ARHGAP24: variants seen among roughly 807,000 people sequenced by gnomAD.
ARHGAP24 encodes the protein rho GTPase-activating protein 24.
Under a neutral mutation model 76.4 loss-of-function variants are expected in ARHGAP24, and 50 were observed. The observed-to-expected ratio is 0.65, with a 90% confidence interval of 0.52 to 0.83. The LOEUF (loss-of-function observed/expected upper bound fraction) is 0.83. Among genes scored for constraint, ARHGAP24 ranks in the 40% least tolerant of loss-of-function variants. The pLI, the probability that ARHGAP24 is intolerant of heterozygous loss-of-function variation, is 0.00. For synonymous variants in ARHGAP24, 345 were observed against 323.3 expected, an observed-to-expected ratio of 1.07 and a Z score of -0.72; for missense variants, 930 against 914.2, an observed-to-expected ratio of 1.02 and a Z score of -0.22.
intron 2 of ARHGAP24, chr4:85,686,589 T>G (rs1723430013): frequency 6.6e-6 from 1 of 152,178 alleles, no homozygotes; most frequent in Non-Finnish European, 1.5e-5. Context: ...TGCAATAATA[T>G]TTATGTCCTA....
chr4:85,505,505 C>T (rs879435920), intron 1 of ARHGAP24, among the ~76,000 whole-genome samples: 4 of 152,178 alleles, frequency 2.6e-5, no homozygotes, highest in African/African-American at 4.8e-5. Flanking sequence ...TCTTCCACTT[C>T]ATCAAATTGG....
chr4:85,867,580 G>A (rs1233697109), intron 3 of ARHGAP24, among the ~76,000 whole-genome samples: 2 of 151,726 alleles, frequency 1.3e-5, no homozygotes, highest in African/African-American at 4.8e-5. Context: ...AAATTGTTTG[G>A]CTTGCTTCAT....
At chr4:85,742,292 G>C (rs775649776) in intron 3 of ARHGAP24, among the ~76,000 whole-genome samples, 3 of 152,178 alleles carry the variant, frequency 2.0e-5, no homozygotes, top group African/African-American at 4.8e-5. Flanking sequence ...CTCTCTTATC[G>C]TGCAACATGG....
At chr4:85,641,221 C>T (rs999476069) in intron 2 of ARHGAP24, among the ~76,000 whole-genome samples, 11 of 152,230 alleles carry the variant, frequency 7.2e-5, no homozygotes, top group African/African-American at 1.2e-4. Context: ...CTCAGCCTTG[C>T]GCGTAGTGGG....
intron 3 of ARHGAP24, among the ~76,000 whole-genome samples, chr4:85,865,730 C>A (rs1156371049): frequency 6.6e-6 from 1 of 151,364 alleles, no homozygotes; most frequent in African/African-American, 2.4e-5. Flanking sequence ...TTATTAATTT[C>A]AATTAAGGAT....
intron 3 of ARHGAP24, among the ~76,000 whole-genome samples, chr4:85,884,687 T>C (rs754594942): frequency 6.6e-6 from 1 of 152,140 alleles, no homozygotes; most frequent in Non-Finnish European, 1.5e-5. Flanking sequence ...AACTATCAAG[T>C]TGTGGAATGT....
chr4:85,755,218 T>C (rs1219534389), intron 3 of ARHGAP24, among the ~76,000 whole-genome samples: 1 of 152,238 alleles, frequency 6.6e-6, no homozygotes, highest in Admixed American at 6.5e-5. Flanking sequence ...AACTTTTTTT[T>C]CTTATTTACC....
intron 3 of ARHGAP24, among the ~76,000 whole-genome samples, chr4:85,725,578 G>GC (rs1366307291): frequency 6.6e-6 from 1 of 152,226 alleles, no homozygotes; most frequent in African/African-American, 2.4e-5. Flanking sequence ...CTGGGGCATA[G>GC]CCCCTTCACA....
At chr4:85,909,766 G>A (rs190425391) in intron 3 of ARHGAP24, among the ~76,000 whole-genome samples, 5 of 152,326 alleles carry the variant, frequency 3.3e-5, no homozygotes, top group African/African-American at 1.2e-4. Flanking sequence ...AATTTAATGA[G>A]GGTGTCTAGA....
intron 4 of ARHGAP24, among the ~76,000 whole-genome samples, chr4:85,934,775 A>G (rs1228043425): frequency 2.0e-5 from 3 of 152,152 alleles, no homozygotes; most frequent in African/African-American, 7.2e-5. Context: ...TCGGCCTCCC[A>G]AAGTGCTGGG....
intron 1 of ARHGAP24, among the ~76,000 whole-genome samples, chr4:85,499,563 G>C (rs1488132297): frequency 6.6e-6 from 1 of 152,186 alleles, no homozygotes; most frequent in Non-Finnish European, 1.5e-5. Flanking sequence ...TTCAAATGAA[G>C]AGAGCTCTTA....
intron 5 of ARHGAP24, among the ~76,000 whole-genome samples, chr4:85,950,442 A>G (rs1053028236): frequency 3.3e-5 from 5 of 152,036 alleles, no homozygotes; most frequent in African/African-American, 9.7e-5. Flanking sequence ...TGAGGCTGCA[A>G]TGAGTTATGA....
chr4:85,842,135 T>C (rs1187647258), intron 3 of ARHGAP24, among the ~76,000 whole-genome samples: 1 of 152,236 alleles, frequency 6.6e-6, no homozygotes, highest in Non-Finnish European at 1.5e-5. Flanking sequence ...AGGGTTTCTA[T>C]TTTGAAATAC....
At chr4:85,628,317 C>T (rs1721040928) in intron 2 of ARHGAP24, among the ~76,000 whole-genome samples, 1 of 152,108 alleles carries the variant, frequency 6.6e-6, no homozygotes, top group African/African-American at 2.4e-5. Flanking sequence ...TCATTGATTT[C>T]TAATTTCATA....
intron 3 of ARHGAP24, among the ~76,000 whole-genome samples, chr4:85,820,042 G>A (rs1452455369): frequency 6.6e-6 from 1 of 152,140 alleles, no homozygotes; most frequent in Admixed American, 6.5e-5. Context: ...TGCGAGAACA[G>A]ACTATTACAA....
chr4:85,635,048 A>C (rs1381026071), intron 2 of ARHGAP24, among the ~76,000 whole-genome samples: 1 of 152,010 alleles, frequency 6.6e-6, no homozygotes, highest in Middle Eastern at 3.4e-3. Context: ...ACTGTCAGCT[A>C]TTTATTTCTG....
intron 2 of ARHGAP24, among the ~76,000 whole-genome samples, chr4:85,636,834 G>A (rs1325887571): frequency 3.3e-5 from 5 of 151,956 alleles, no homozygotes; most frequent in African/African-American, 1.2e-4. Flanking sequence ...AATTTGATAT[G>A]TATTTTTCTC....
intron 4 of ARHGAP24, chr4:85,930,659 T>G (rs974973144): frequency 5.4e-6 from 6 of 1,117,866 alleles, no homozygotes; most frequent in African/African-American, 1.6e-5. Context: ...CATTTTGGAA[T>G]GTCTGCAGAA....
chr4:85,787,056 C>G (rs1386458866), intron 3 of ARHGAP24, among the ~76,000 whole-genome samples: 2 of 152,170 alleles, frequency 1.3e-5, no homozygotes, highest in African/African-American at 4.8e-5. Flanking sequence ...GTGTTTCACC[C>G]ACAAATCCCA....
Sources: allele counts gnomAD v4.1 joint callset (sites outside exome capture counted in the v4.1 genomes callset), GRCh38; gene constraint gnomAD v4.1.1; transcripts MANE v1.5; gene names NCBI Gene and HGNC (gene_info 2026-07-23, HGNC 2026-07-21).